NOL4L: variants seen among roughly 807,000 people sequenced by gnomAD.
The protein encoded by NOL4L is nucleolar protein 4-like.
Under a neutral mutation model 64.5 loss-of-function variants are expected in NOL4L, and 7 were observed. The ratio of observed to expected loss-of-function variants is 0.11; its 90% CI spans 0.06 to 0.20. The LOEUF (loss-of-function observed/expected upper bound fraction) is 0.20, where lower values mean the gene tolerates loss of function less well. Among genes scored for constraint, NOL4L ranks in the 10% least tolerant of loss-of-function variants. The pLI, the probability that NOL4L is intolerant of heterozygous loss-of-function variation, is 1.00. For missense variants in NOL4L, 680 were observed against 967.1 expected, an observed-to-expected ratio of 0.70 and a Z score of 3.94; for synonymous variants, 413 against 401.0, an observed-to-expected ratio of 1.03 and a Z score of -0.36.
At chr20:32,578,595 G>A (rs1239557200) in intron 1 of NOL4L, among the ~76,000 whole-genome samples, 2 of 152,210 alleles carry the variant, frequency 1.3e-5, no homozygotes, top group African/African-American at 4.8e-5. Context: ...ATGTCCCCAG[G>A]CTGGTAGGCC....
chr20:32,555,651 C>T (rs564327381), intron 1 of NOL4L, among the ~76,000 whole-genome samples: 21 of 151,880 alleles, frequency 1.4e-4, no homozygotes, highest in Non-Finnish European at 2.5e-4. Context: ...TAGTGTGGGC[C>T]GCACTCTAAT....
rs147227364 is a variant in NOL4L at position 32,492,844 on chromosome 20, A to G, written c.700-18102T>C. Among the ~76,000 whole-genome samples, 526 of 152,320 alleles carry G rather than the reference A, an allele frequency of 3.5e-3. 3 individuals are homozygous for G. Among genetic ancestry groups the G allele is most frequent in the Middle Eastern group, 6.8e-3 (2 of 294 alleles). ...GAAACTGGCACTCAGAGAGCAGGTGACACGTCCACAATCATGGAGCTAGAA... is the reference window on the plus strand; with the variant it reads ...GAAACTGGCACTCAGAGAGCAGGTGGCACGTCCACAATCATGGAGCTAGAA... On this transcript the variant is annotated intron_variant, in intron 4 of 10. Transcript: ENST00000621426.
chr20:32,465,263 AG>A lies in NOL4L; in HGVS notation c.842-8869del, dbSNP rs549757690. ...ACATCAGGGAGGAACCAGAGGCTCC[AG>A]GGGGAAGTCACCGACCCATCACCCG... On this transcript the variant is annotated intron_variant, in intron 5 of 10. Coordinates refer to ENST00000621426, the MANE Select transcript of NOL4L (RefSeq NM_001256798.2). The A allele has an allele frequency of 1.3e-3, 557 of 423,356 alleles. 1 individual carries two copies. The highest frequency in any genetic ancestry group is 6.6e-3 in the Middle Eastern group (11 of 1,656). The allele number at this position is 423,356 out of a possible 1,614,324, so 26.2% of individuals were successfully genotyped here. A position where few individuals can be genotyped will look rare whatever the true frequency, so the allele number is the denominator to read the frequency against.
chr20:32,573,397 C>T (rs1379277343), intron 1 of NOL4L, among the ~76,000 whole-genome samples: 1 of 151,740 alleles, frequency 6.6e-6, no homozygotes, highest in Non-Finnish European at 1.5e-5. Flanking sequence ...TCATGAGTCA[C>T]AGAGATCCAC....
intron 1 of NOL4L, among the ~76,000 whole-genome samples, chr20:32,529,318 T>C (rs764916769): frequency 3.3e-5 from 5 of 152,134 alleles, no homozygotes; most frequent in Non-Finnish European, 5.9e-5. Context: ...TGCTAGATAT[T>C]GTTATTAAGA....
intron 4 of NOL4L, among the ~76,000 whole-genome samples, chr20:32,488,795 CTTTCTTTCTTTTTCTTTCTTTCTTT>C (rs1909524183): frequency 4.2e-5 from 2 of 47,078 alleles, no homozygotes; most frequent in South Asian, 1.4e-3. Flanking sequence ...TCCTTCCTTT[CTTTCTTTCTTTTTCTTTCTTTCTTT>C]CTTTCTTTTT....
chr20:32,481,428 C>A (rs894874046), intron 4 of NOL4L, among the ~76,000 whole-genome samples: 5 of 152,184 alleles, frequency 3.3e-5, no homozygotes, highest in African/African-American at 1.2e-4. Context: ...GAAAGGAACC[C>A]AGACAACACA....
At chr20:32,538,263 C>T (rs1370279168) in intron 1 of NOL4L, among the ~76,000 whole-genome samples, 1 of 152,218 alleles carries the variant, frequency 6.6e-6, no homozygotes, top group Non-Finnish European at 1.5e-5. Flanking sequence ...GGGTTCAGTC[C>T]CCTCAGGCCT....
chr20:32,510,696 C>G (rs2017358840), intron 4 of NOL4L: 2 of 154,006 alleles, frequency 1.3e-5, no homozygotes, highest in Non-Finnish European at 2.9e-5. Flanking sequence ...TGGTTTTAGG[C>G]AGTGGTTGGG....
At chr20:32,558,940 G>A (rs1022170504) in intron 1 of NOL4L, among the ~76,000 whole-genome samples, 1 of 152,206 alleles carries the variant, frequency 6.6e-6, no homozygotes, top group Non-Finnish European at 1.5e-5. Flanking sequence ...GAGAACCAGT[G>A]CAAGGGAAGG....
intron 1 of NOL4L, among the ~76,000 whole-genome samples, chr20:32,578,139 G>GA (rs1980236889): frequency 4.2e-5 from 3 of 70,676 alleles, no homozygotes; most frequent in African/African-American, 2.9e-4. Context: ...AAGGAAGGAA[G>GA]GAGGGAGGGA....
intron 3 of NOL4L, among the ~76,000 whole-genome samples, chr20:32,512,464 A>G (rs1211705458): frequency 1.3e-5 from 2 of 152,234 alleles, no homozygotes; most frequent in African/African-American, 4.8e-5. Context: ...CATCATATGC[A>G]GAGGAACATT....
At chr20:32,471,167 G>T (rs1949105175) in intron 5 of NOL4L, among the ~76,000 whole-genome samples, 1 of 152,192 alleles carries the variant, frequency 6.6e-6, no homozygotes, top group Non-Finnish European at 1.5e-5. Context: ...AAGCTCCCGG[G>T]GAGTGAAAGC....
intron 4 of NOL4L, among the ~76,000 whole-genome samples, chr20:32,480,390 C>G (rs1448678919): frequency 1.3e-5 from 2 of 152,172 alleles, no homozygotes; most frequent in African/African-American, 4.8e-5. Context: ...GTTTCTGGGC[C>G]AAGCAGGAAA....
intron 1 of NOL4L, among the ~76,000 whole-genome samples, chr20:32,533,977 G>A (rs959457452): frequency 3.3e-5 from 5 of 152,204 alleles, no homozygotes; most frequent in Admixed American, 2.6e-4. Flanking sequence ...ATGGTGAAGT[G>A]AGGTCCAGTT....
intron 4 of NOL4L, chr20:32,483,243 C>T (rs1038978433): frequency 5.4e-6 from 3 of 558,718 alleles, no homozygotes; most frequent in African/African-American, 2.0e-5. Flanking sequence ...CAGAACCGCC[C>T]CCAGCCCCTC....
chr20:32,556,277 G>T (rs63569661), intron 1 of NOL4L, among the ~76,000 whole-genome samples: 3,829 of 146,380 alleles, frequency 0.026, 138 homozygotes, highest in African/African-American at 0.094. Context: ...TCCTTTGTGG[G>T]GGGGGGGGGT....
chr20:32,534,280 G>A (rs1216854217), intron 1 of NOL4L, among the ~76,000 whole-genome samples: 6 of 152,156 alleles, frequency 3.9e-5, no homozygotes, highest in Admixed American at 3.9e-4. Flanking sequence ...TCCAGCTCTT[G>A]ACAAGGAATA....
chr20:32,470,702 CTGGCCCGTGCCT>C (rs2014947274), intron 5 of NOL4L, among the ~76,000 whole-genome samples: 2 of 152,368 alleles, frequency 1.3e-5, no homozygotes, highest in South Asian at 4.1e-4. Context: ...TTTAGGGGAC[CTGGCCCGTGCCT>C]GGGCAGGAAA....
Sources: allele counts gnomAD v4.1 joint callset (sites outside exome capture counted in the v4.1 genomes callset), GRCh38; gene constraint gnomAD v4.1.1; transcripts MANE v1.5; gene names NCBI Gene and HGNC (gene_info 2026-07-23, HGNC 2026-07-21).